Variants in MSH3 observed in about 807,000 individuals in gnomAD.
MSH3 encodes the protein DNA mismatch repair protein Msh3.
In MSH3, 106 loss-of-function variants were observed where a neutral mutation model predicts 123.3. The ratio of observed to expected loss-of-function variants is 0.86; its 90% confidence interval spans 0.73 to 1.01. MSH3 has a LOEUF of 1.01. Among genes scored for constraint, MSH3 ranks in the 50% least tolerant of loss-of-function variants. The pLI, the probability that MSH3 is intolerant of heterozygous loss-of-function variation, is 0.00. For missense variants in MSH3, 1,459 were observed against 1,347.6 expected (o/e 1.08, Z -1.29); for synonymous variants, 515 against 481.4 (o/e 1.07, Z -0.91).
chr5:80,788,389 A>T (rs1403995795), intron 18 of MSH3, among the ~76,000 whole-genome samples: 2 of 152,174 alleles, frequency 1.3e-5, no homozygotes, highest in Non-Finnish European at 2.9e-5. Flanking sequence ...GTGAGCCAAG[A>T]TCGTGCCACT....
intron 8 of MSH3, among the ~76,000 whole-genome samples, chr5:80,710,698 C>T (rs549475335): frequency 4.9e-5 from 7 of 141,742 alleles, no homozygotes; most frequent in Admixed American, 1.4e-4. Flanking sequence ...TGTGTAGATT[C>T]GTGGTAAAAA....
chr5:80,731,528 A>G (rs983072671), intron 10 of MSH3, among the ~76,000 whole-genome samples: 3 of 151,416 alleles, frequency 2.0e-5, no homozygotes, highest in African/African-American at 7.3e-5. Flanking sequence ...ATATTATTAT[A>G]TATAGTATTA....
At chr5:80,697,894 A>G (rs1181943009) in intron 8 of MSH3, among the ~76,000 whole-genome samples, 1 of 152,156 alleles carries the variant, frequency 6.6e-6, no homozygotes, top group Non-Finnish European at 1.5e-5. Flanking sequence ...TGATTTTTTT[A>G]TATCAAACAA....
intron 19 of MSH3, among the ~76,000 whole-genome samples, chr5:80,807,422 CAA>C (rs1303866811): frequency 6.6e-6 from 1 of 151,970 alleles, no homozygotes; most frequent in African/African-American, 2.4e-5. Flanking sequence ...TTAATAAAAA[CAA>C]ATAAGATTAT....
intron 20 of MSH3, among the ~76,000 whole-genome samples, chr5:80,826,323 T>G (rs955728624): frequency 6.6e-6 from 1 of 152,226 alleles, no homozygotes; most frequent in African/African-American, 2.4e-5. Context: ...ATGCTTTTTG[T>G]ACTCAATGGA....
chr5:80,698,889 A>G (rs1750544947), intron 8 of MSH3, among the ~76,000 whole-genome samples: 1 of 152,226 alleles, frequency 6.6e-6, no homozygotes, highest in South Asian at 2.1e-4. Flanking sequence ...AACATGGCAC[A>G]TGTATACATA....
chr5:80,658,461 A>G (rs1052651231), intron 2 of MSH3, among the ~76,000 whole-genome samples: 2 of 152,242 alleles, frequency 1.3e-5, no homozygotes, highest in African/African-American at 4.8e-5. Context: ...GACAGTTGAG[A>G]TGGAATGTTG....
intron 8 of MSH3, among the ~76,000 whole-genome samples, chr5:80,694,083 C>A (rs1750415432): frequency 6.6e-6 from 1 of 152,158 alleles, no homozygotes; most frequent in Non-Finnish European, 1.5e-5. Context: ...ATAGGAAGTT[C>A]ATATGGCAGA....
chr5:80,673,612 T>A (rs1749770284), intron 6 of MSH3, among the ~76,000 whole-genome samples: 1 of 152,166 alleles, frequency 6.6e-6, no homozygotes, highest in African/African-American at 2.4e-5. Flanking sequence ...CAGAGTTAAA[T>A]GCCTATAAAA....
chr5:80,869,160 A>C (rs1561504974), intron 22 of MSH3, among the ~76,000 whole-genome samples: 1 of 152,164 alleles, frequency 6.6e-6, no homozygotes, highest in Non-Finnish European at 1.5e-5. Flanking sequence ...ATTTTTATGA[A>C]TCTGTTCTAA....
At chr5:80,790,039 A>G (rs1744581723) in intron 18 of MSH3, among the ~76,000 whole-genome samples, 1 of 152,222 alleles carries the variant, frequency 6.6e-6, no homozygotes, top group Non-Finnish European at 1.5e-5. Context: ...TCCTGCTTGT[A>G]GGAAAGTAGA....
rs548476163 is a variant in MSH3, at chr5:80,813,828, T to G, written c.2813+87T>G. 5 of 1,402,066 alleles carry G rather than the reference T, an allele frequency of 3.6e-6. No homozygotes were observed. In the African/African-American group the frequency reaches 4.2e-5, roughly 12 times the overall value. 86.9% of individuals were successfully genotyped at this position (1,402,066 alleles called of 1,614,324 possible). ...TGAATTTTCCTTTTGTGTACATATT[T>G]AGATGCTCTTAAAGCACTCAACATT... On this transcript the variant is annotated intron_variant, in intron 20 of 23. Transcript: ENST00000265081.
chr5:80,775,135 A>T (rs1744277037), intron 15 of MSH3, among the ~76,000 whole-genome samples: 1 of 152,146 alleles, frequency 6.6e-6, no homozygotes, highest in African/African-American at 2.4e-5. Context: ...TATAAGTGAA[A>T]ACTTGAAGAA....
At chr5:80,748,029 T>C (rs1254785777) in intron 12 of MSH3, among the ~76,000 whole-genome samples, 1 of 152,194 alleles carries the variant, frequency 6.6e-6, no homozygotes, top group East Asian at 1.9e-4. Context: ...CAGACAAATA[T>C]TCTGTCTCTG....
At chr5:80,765,471 C>A (rs980372451) in intron 13 of MSH3, among the ~76,000 whole-genome samples, 11 of 152,116 alleles carry the variant, frequency 7.2e-5, no homozygotes, top group African/African-American at 2.7e-4. Context: ...GACCTAACTT[C>A]TTATTTTTTT....
chr5:80,736,701 C>T (rs1743515206), intron 10 of MSH3, among the ~76,000 whole-genome samples: 1 of 152,136 alleles, frequency 6.6e-6, no homozygotes, highest in Admixed American at 6.5e-5. Context: ...GGAGATGGTG[C>T]CTATGGGACC....
At chr5:80,701,779 T>C (rs1750615664) in intron 8 of MSH3, among the ~76,000 whole-genome samples, 1 of 152,188 alleles carries the variant, frequency 6.6e-6, no homozygotes, top group South Asian at 2.1e-4. Context: ...GAAGGGAGAC[T>C]TCTTACTAAT....
intron 19 of MSH3, among the ~76,000 whole-genome samples, chr5:80,811,732 C>G (rs796436073): frequency 2.2e-4 from 33 of 151,822 alleles, no homozygotes; most frequent in African/African-American, 7.5e-4. Context: ...GTTAGATTTT[C>G]TATTTCTTGT....
intron 9 of MSH3, among the ~76,000 whole-genome samples, chr5:80,728,602 A>C (rs910893750): frequency 7.9e-5 from 12 of 152,246 alleles, no homozygotes; most frequent in Non-Finnish European, 1.5e-4. Context: ...CCTGTTCTTC[A>C]AAAAAGGTTC....
Sources: allele counts gnomAD v4.1 joint callset (sites outside exome capture counted in the v4.1 genomes callset), GRCh38; gene constraint gnomAD v4.1.1; transcripts MANE v1.5; gene names NCBI Gene and HGNC (gene_info 2026-07-23, HGNC 2026-07-21).